MYBL2: variants seen among roughly 807,000 people sequenced by gnomAD.
MYBL2 encodes the protein myb-related protein B.
MYBL2 carries 28 observed loss-of-function variants against 79.9 expected under a neutral mutation model. The observed-to-expected ratio is 0.35, with a 90% CI of 0.26 to 0.48. The LOEUF is 0.48. Ranked by LOEUF, MYBL2 falls within the 20% of genes least tolerant of loss-of-function variation. MYBL2 has a pLI of 0.99. For synonymous variants in MYBL2, 378 were observed against 361.2 expected, an observed-to-expected ratio of 1.05 and a Z score of -0.53; for missense variants, 735 against 893.9, an observed-to-expected ratio of 0.82 and a Z score of 2.27.
At chr20:43,667,793 G>C (rs1986754914) in intron 1 of MYBL2, among the ~76,000 whole-genome samples, 1 of 152,160 alleles carries the variant, frequency 6.6e-6, no homozygotes, top group African/African-American at 2.4e-5. Context: ...ATTCCGGGGA[G>C]CACAGAGTCC....
At chr20:43,708,395 C>T (rs972883827) in intron 9 of MYBL2, among the ~76,000 whole-genome samples, 4 of 152,114 alleles carry the variant, frequency 2.6e-5, no homozygotes, top group Non-Finnish European at 5.9e-5. Flanking sequence ...CCACAAGGCC[C>T]GGCCTCTCCC....
In MYBL2 at chr20:43,692,310, G is replaced by A. The variant is rs3803942; in HGVS notation, c.654G>A (p.Thr218=). ...DKDGLQSAQP[T]EGQGSLLTNW... ...ACGGCCTCCAGAGTGCCCAGCCCAC[G>A]GAAGGCCAGGTGAGACAGCTGCTCA... The change falls in exon 6 of 14, where the codon ACG becomes ACA. Residue 218 remains threonine, a synonymous_variant. Coordinates refer to ENST00000217026, the MANE Select transcript of MYBL2 (RefSeq NM_002466.4). The A allele has an allele frequency of 3.1e-6, 5 of 1,614,104 alleles. No individual in the cohort carries two copies. The highest frequency in any genetic ancestry group is 1.6e-4 in the Middle Eastern group (1 of 6,062).
At chr20:43,671,211 C>G (rs1398027529) in intron 1 of MYBL2, among the ~76,000 whole-genome samples, 1 of 151,626 alleles carries the variant, frequency 6.6e-6, no homozygotes, top group Non-Finnish European at 1.5e-5. Context: ...TGCAGTGGCA[C>G]AATCTCTGAT....
intron 9 of MYBL2, among the ~76,000 whole-genome samples, chr20:43,706,048 T>C (rs1360272584): frequency 6.6e-6 from 1 of 151,996 alleles, no homozygotes. Context: ...GGGCTGGTCT[T>C]GAACTGGCCT....
intron 9 of MYBL2, among the ~76,000 whole-genome samples, chr20:43,706,209 A>G (rs762916821): frequency 3.9e-5 from 6 of 152,212 alleles, no homozygotes; most frequent in Non-Finnish European, 7.3e-5. Context: ...CTAAGGTTTC[A>G]GGTGCAAATT....
intron 4 of MYBL2, among the ~76,000 whole-genome samples, chr20:43,684,049 T>C (rs1987208816): frequency 6.6e-6 from 1 of 151,766 alleles, no homozygotes; most frequent in South Asian, 2.1e-4. Context: ...CCACCTCAGC[T>C]TCTAAAGTAG....
intron 2 of MYBL2, among the ~76,000 whole-genome samples, chr20:43,678,813 C>T (rs1600544522): frequency 7.0e-6 from 1 of 141,916 alleles, no homozygotes; most frequent in South Asian, 2.2e-4. Flanking sequence ...GCTGAGATCG[C>T]ACCATTGCAC....
In MYBL2 at chr20:43,673,815, G is replaced by C. The variant is rs1035168926; in HGVS notation, c.30G>C (p.Leu10=). The change falls in exon 2 of 14, where the codon CTG becomes CTC. Residue 10 remains leucine (L), a synonymous_variant. Transcript: ENST00000217026. The part of the protein sequence containing the change: MSRRTRCED[L]DELHYQDTDS... ...CCTGCTTTCCCCATAGCGAGGATCT[G>C]GATGAGCTGCACTACCAGGACACAG... 1.9e-6 allele frequency: 3 copies of C among 1,565,360 alleles called. No individual in the cohort carries two copies. The highest frequency in any genetic ancestry group is 3.8e-5 in the Admixed American group (2 of 53,074).
intron 8 of MYBL2, 29 bp downstream of exon 8, chr20:43,702,932 T>G (rs747926552): frequency 6.4e-7 from 1 of 1,564,046 alleles, no homozygotes; most frequent in Non-Finnish European, 8.7e-7. Context: ...GGCTGCTTAT[T>G]GGGTCGGTAC....
At chr20:43,687,187 C>T in intron 5 of MYBL2, 115 bp downstream of exon 5, 1 of 1,096,404 alleles carries the variant, frequency 9.1e-7, no homozygotes. Flanking sequence ...CTGTAACACC[C>T]AGCCTCGGCT....
At chr20:43,686,532 G>A (rs541300322) in intron 4 of MYBL2, among the ~76,000 whole-genome samples, 2 of 152,332 alleles carry the variant, frequency 1.3e-5, no homozygotes, top group African/African-American at 2.4e-5. Context: ...ATTGGGTTGA[G>A]CCCTGGAGAG....
chr20:43,681,208 A>C (rs1188353047), intron 2 of MYBL2, among the ~76,000 whole-genome samples: 1 of 152,082 alleles, frequency 6.6e-6, no homozygotes, highest in Admixed American at 6.6e-5. Flanking sequence ...GTGCTGAATC[A>C]CTGTCAGCTC....
In MYBL2 at chr20:43,668,685, G is replaced by GTTT. The variant is rs3091868; in HGVS notation, c.20+1400_20+1402dup. Among the ~76,000 whole-genome samples the GTTT allele has an allele frequency of 1.2e-3, 128 of 106,212 alleles. 3 individuals carry two copies. Among genetic ancestry groups the GTTT allele is most frequent in the Middle Eastern group, 4.7e-3 (1 of 212 alleles). 69.7% of individuals were successfully genotyped at this position (106,212 alleles called of 152,430 possible). Reference sequence around the variant, plus strand: ...CAGGCGCCTATCAGACCCTGCCCTGGTTTTTTTTTTTTTTTTTTTTGAGGC... The same window carrying GTTT: ...CAGGCGCCTATCAGACCCTGCCCTGGTTTTTTTTTTTTTTTTTTTTTTTGAGGC... On this transcript the variant is annotated intron_variant, in intron 1 of 13. Coordinates refer to ENST00000217026, the MANE Select transcript of MYBL2 (RefSeq NM_002466.4).
At chr20:43,684,226 CTT>C (rs112749528) in intron 4 of MYBL2, among the ~76,000 whole-genome samples, 1 of 144,264 alleles carries the variant, frequency 6.9e-6, no homozygotes. Context: ...CATTCCTGTT[CTT>C]TTTTTTTTTT....
At position 43,705,672 on chromosome 20, in the gene MYBL2, ATATT is replaced by A. The variant is rs138328914; in HGVS notation, c.1505+356_1505+359del. Among the ~76,000 whole-genome samples the A allele has an allele frequency of 8.1e-3, 1,166 of 144,710 alleles. 13 individuals are homozygous for A. Among genetic ancestry groups the A allele is most frequent in the African/African-American group, 0.026 (991 of 38,576 alleles). The allele number at this position is 144,710 out of a possible 152,430, so 94.9% of individuals were successfully genotyped here. On this transcript the variant is annotated intron_variant, in intron 9 of 13. Transcript: ENST00000217026. Reference sequence around the variant, plus strand: ...CCACCATGCTCAGCTAATTAAAAAAATATTTATTTATTTATTTATTTATTTATTT... The same window carrying A: ...CCACCATGCTCAGCTAATTAAAAAAATATTTATTTATTTATTTATTTATTT...
Position 43,716,056 on chromosome 20 carries a change from G to C in MYBL2, c.2072G>C (p.Ser691Thr). 3 of 1,610,064 alleles carry C rather than the reference G, an allele frequency of 1.9e-6. No individual in the cohort carries two copies. Among genetic ancestry groups the C allele is most frequent in the Non-Finnish European group, 2.5e-6 (3 of 1,179,866 alleles). ...CAGCTCCTGGGCCGCCTGAAGCCCA[G>C]CCACACATCTCGGACCCTCATCTTG... Reference protein sequence around the residue: ...ARQLLGRLKPSHTSRTLILS With the variant: ...ARQLLGRLKPTHTSRTLILS Residue 691 changes from serine (S) to threonine (T), a missense_variant, in exon 14 of 14, where the codon AGC becomes ACC. Ser to Thr is a moderately conservative substitution (Grantham distance 58, BLOSUM62 1). Around this residue, in one of 5 missense-constraint regions of MYBL2, gnomAD observed 204 missense variants for 202.9 expected, o/e 1.01. Transcript: ENST00000217026.
intron 8 of MYBL2, among the ~76,000 whole-genome samples, chr20:43,704,203 A>G (rs2145729961): frequency 6.6e-6 from 1 of 152,146 alleles, no homozygotes; most frequent in Non-Finnish European, 1.5e-5. Flanking sequence ...TTTAGTAGAG[A>G]CAGGGTTTCT....
intron 5 of MYBL2, 24 bp downstream of exon 5, chr20:43,687,096 G>C (rs781582737): frequency 6.2e-7 from 1 of 1,606,952 alleles, no homozygotes; most frequent in African/African-American, 1.3e-5. Context: ...TTGGGGGTTG[G>C]GACAGGTTCC....
intron 9 of MYBL2, among the ~76,000 whole-genome samples, chr20:43,707,142 G>A (rs1467617084): frequency 6.6e-6 from 1 of 150,808 alleles, no homozygotes; most frequent in African/African-American, 2.4e-5. Flanking sequence ...ATTGGCTACT[G>A]CACTCCAGCC....
Sources: allele counts gnomAD v4.1 joint callset (sites outside exome capture counted in the v4.1 genomes callset), GRCh38; gene constraint gnomAD v4.1.1; regional missense constraint gnomAD v4.1.1; transcripts MANE v1.5; gene names NCBI Gene and HGNC (gene_info 2026-07-23, HGNC 2026-07-21).